MSRB3: variants seen among roughly 807,000 people sequenced by gnomAD.
MSRB3 encodes the protein methionine sulfoxide reductase B3.
MSRB3 carries 13 observed loss-of-function variants against 21.0 expected under a neutral mutation model. The ratio of observed to expected loss-of-function variants is 0.62; its 90% confidence interval spans 0.40 to 0.98. MSRB3 has a LOEUF of 0.98. Ranked by LOEUF, MSRB3 falls within the 50% of genes least tolerant of loss-of-function variation. The pLI is 0.00. For missense variants in MSRB3, 199 were observed against 230.3 expected, an observed-to-expected ratio of 0.86 and a Z score of 0.88; for synonymous variants, 87 against 88.6, an observed-to-expected ratio of 0.98 and a Z score of 0.10.
rs564361967 is a variant in MSRB3, at chr12:65,434,618, T to A, written c.293-19110T>A. ...AAAATTCCAGTCCAGTGAAGGAACATGAATGACGGAAGAAGGTGGGAAGGA... is the reference window on the plus strand; with the variant it reads ...AAAATTCCAGTCCAGTGAAGGAACAAGAATGACGGAAGAAGGTGGGAAGGA... On this transcript the variant is annotated intron_variant, in intron 5 of 6. Transcript: ENST00000308259. 3.3e-5 allele frequency among the ~76,000 whole-genome samples: 5 copies of A among 151,934 alleles called. No homozygotes were observed. In the East Asian group the frequency reaches 9.7e-4, roughly 29 times the overall value.
At chr12:65,296,370 A>G (rs1027169297) in intron 1 of MSRB3, among the ~76,000 whole-genome samples, 8 of 152,180 alleles carry the variant, frequency 5.3e-5, no homozygotes, top group South Asian at 2.1e-4. Context: ...TTACTTTTCA[A>G]TCTCCATAAG....
At chr12:65,331,802 G>A (rs933075415) in intron 4 of MSRB3, among the ~76,000 whole-genome samples, 88 of 152,326 alleles carry the variant, frequency 5.8e-4, no homozygotes, top group African/African-American at 2.0e-3. Context: ...TGCGTACACG[G>A]GAGGAGATGG....
intron 4 of MSRB3, among the ~76,000 whole-genome samples, chr12:65,331,273 TA>T (rs1374085975): frequency 6.6e-6 from 1 of 152,036 alleles, no homozygotes; most frequent in African/African-American, 2.4e-5. Flanking sequence ...TTATGAACTG[TA>T]AGAGAGGATT....
intron 5 of MSRB3, among the ~76,000 whole-genome samples, chr12:65,387,770 C>G (rs781720550): frequency 2.0e-5 from 3 of 152,042 alleles, no homozygotes; most frequent in Non-Finnish European, 4.4e-5. Context: ...TAGCAAAGTG[C>G]TTGGTATACA....
chr12:65,293,514 T>C (rs989357757), intron 1 of MSRB3, among the ~76,000 whole-genome samples: 2 of 152,212 alleles, frequency 1.3e-5, no homozygotes, highest in Non-Finnish European at 2.9e-5. Flanking sequence ...GGGCTACTGC[T>C]CATCTTTTCC....
intron 5 of MSRB3, among the ~76,000 whole-genome samples, chr12:65,436,632 G>A (rs1285065892): frequency 1.3e-5 from 2 of 151,634 alleles, no homozygotes; most frequent in Non-Finnish European, 2.9e-5. Context: ...AAGCAATTCA[G>A]GATTTCATTA....
chr12:65,330,767 T>A, intron 4 of MSRB3, among the ~76,000 whole-genome samples: 1 of 152,122 alleles, frequency 6.6e-6, no homozygotes, highest in East Asian at 1.9e-4. Context: ...TGGTAAAAAA[T>A]AGTGAAATCG....
In MSRB3 at chr12:65,443,473, T is replaced by A. The variant is rs1679286991; in HGVS notation, c.293-10255T>A. Among the ~76,000 whole-genome samples the A allele has an allele frequency of 3.3e-5, 5 of 152,174 alleles. No homozygotes were observed. The South Asian group carries it at 1.0e-3, about 32-fold the overall frequency. On this transcript the variant is annotated intron_variant, in intron 5 of 6. Coordinates refer to ENST00000308259, the MANE Select transcript of MSRB3 (RefSeq NM_001031679.3). Reference sequence around the variant, plus strand: ...AGCAAAACAGTAGAAATTCTTTGCCTATTTTTAAAAATGTTTTTCCACTTG... The same window carrying A: ...AGCAAAACAGTAGAAATTCTTTGCCAATTTTTAAAAATGTTTTTCCACTTG...
intron 2 of MSRB3, chr12:65,316,333 CTTG>C (rs1874294509): frequency 6.6e-6 from 1 of 151,808 alleles, no homozygotes; most frequent in Non-Finnish European, 1.5e-5. Flanking sequence ...ATTTAAGTGC[CTTG>C]TTGTAAGGGA....
intron 4 of MSRB3, among the ~76,000 whole-genome samples, chr12:65,345,800 C>A (rs950086155): frequency 3.3e-5 from 5 of 152,146 alleles, no homozygotes; most frequent in Admixed American, 1.3e-4. Context: ...TCTCATTGTT[C>A]AATTCCCACC....
chr12:65,341,011 C>CA (rs1156562139), intron 4 of MSRB3, among the ~76,000 whole-genome samples: 1 of 151,844 alleles, frequency 6.6e-6, no homozygotes, highest in Non-Finnish European at 1.5e-5. Context: ...AACTTATTGA[C>CA]AAATGTAAAG....
chr12:65,389,018 C>T (rs1318351028), intron 5 of MSRB3, among the ~76,000 whole-genome samples: 2 of 152,184 alleles, frequency 1.3e-5, no homozygotes, highest in African/African-American at 2.4e-5. Context: ...TCTTCCTCCT[C>T]GTAAATAATG....
At chr12:65,353,413 A>G (rs965337609) in intron 4 of MSRB3, among the ~76,000 whole-genome samples, 1 of 152,120 alleles carries the variant, frequency 6.6e-6, no homozygotes, top group Non-Finnish European at 1.5e-5. Flanking sequence ...GTGCTCCTGT[A>G]TTGGGTGCAT....
At chr12:65,326,795 G>T (rs763249355) in intron 2 of MSRB3, 31 bp from the exon 3 acceptor site, 22 of 1,562,620 alleles carry the variant, frequency 1.4e-5, no homozygotes, top group South Asian at 4.5e-5. Context: ...AGCTAAAAAG[G>T]CTTCTTCTCC....
intron 5 of MSRB3, among the ~76,000 whole-genome samples, chr12:65,429,500 A>G (rs1339440979): frequency 6.6e-6 from 1 of 152,158 alleles, no homozygotes; most frequent in Non-Finnish European, 1.5e-5. Context: ...TGGATCATGC[A>G]GGTTTTTGTC....
chr12:65,433,293 G>A (rs1006695855), intron 5 of MSRB3, among the ~76,000 whole-genome samples: 1 of 151,614 alleles, frequency 6.6e-6, no homozygotes, highest in African/African-American at 2.4e-5. Context: ...GTCATATTCT[G>A]TTAAAATTTT....
At chr12:65,361,635 T>C (rs1450908102) in intron 4 of MSRB3, among the ~76,000 whole-genome samples, 1 of 152,204 alleles carries the variant, frequency 6.6e-6, no homozygotes, top group African/African-American at 2.4e-5. Flanking sequence ...TTAGACTTCT[T>C]CTTGGAACAT....
Position 65,463,215 on chromosome 12 carries a change from T to G in MSRB3, c.451T>G (p.Cys151Gly), listed in dbSNP as rs1381316478. The G allele has an allele frequency of 3.1e-6, 5 of 1,614,130 alleles. No homozygotes were observed. In the Admixed American group the frequency reaches 8.3e-5, roughly 27 times the overall value. Reference sequence around the variant, plus strand: ...GCCTCGTCCAACTGGGAAAAGATACTGCATAAATTCGGCTGCCTTGTCTTT... The same window carrying G: ...GCCTCGTCCAACTGGGAAAAGATACGGCATAAATTCGGCTGCCTTGTCTTT... ...DGPRPTGKRY[C>G]INSAALSFTP... The change falls in exon 7 of 7, where the codon TGC becomes GGC. Residue 151 changes from cysteine (C) to glycine (G), a missense_variant. Cys to Gly is a radical substitution (Grantham distance 159). Transcript: ENST00000308259.
chr12:65,323,309 A>G (rs1874805961), intron 2 of MSRB3, among the ~76,000 whole-genome samples: 1 of 152,386 alleles, frequency 6.6e-6, no homozygotes, highest in African/African-American at 2.4e-5. Flanking sequence ...ACACAGGACA[A>G]GCTTCGCTAT....
Sources: gnomAD v4.1 joint callset for allele counts (sites outside exome capture counted in the v4.1 genomes callset) on GRCh38, gnomAD v4.1.1 for gene constraint, MANE v1.5 for transcripts, NCBI Gene and HGNC (gene_info 2026-07-23, HGNC 2026-07-21) for gene names.